The following GTF3C5 variants were observed in gnomAD, a reference collection of about 807,000 sequenced individuals.
GTF3C5 encodes the protein general transcription factor IIIC subunit 5.
In GTF3C5, 47 loss-of-function variants were observed where a neutral mutation model predicts 61.0. That is an observed-to-expected ratio of 0.77 (90% CI 0.61 to 0.98). GTF3C5 has a LOEUF of 0.98. Among genes scored for constraint, GTF3C5 ranks in the 50% least tolerant of loss-of-function variants. GTF3C5 has a pLI of 0.00. For synonymous variants in GTF3C5, 295 were observed against 275.4 expected (o/e 1.07, Z -0.71); for missense variants, 659 against 703.3 (o/e 0.94, Z 0.71).
At chr9:133,035,385 G>T (rs539309782) in intron 1 of GTF3C5, among the ~76,000 whole-genome samples, 1 of 152,042 alleles carries the variant, frequency 6.6e-6, no homozygotes, top group African/African-American at 2.4e-5. Context: ...GTTTTCTTAG[G>T]GTCTGCTTAT....
rs760893172 is a variant in GTF3C5, at chr9:133,042,257, A to T, written c.324A>T (p.Thr108=). 10 of 1,613,440 alleles carry T rather than the reference A, an allele frequency of 6.2e-6. No homozygotes were observed. In the African/African-American group the frequency reaches 1.3e-4, roughly 22 times the overall value. Reference sequence around the variant, plus strand: ...GCACTGAGGCCCACTCCGAGGTCACATTTGACATGGAGATCCTTGGCATCA... The same window carrying T: ...GCACTGAGGCCCACTCCGAGGTCACTTTTGACATGGAGATCCTTGGCATCA... ...VLGTEAHSEV[T]FDMEILGIIS... The change falls in exon 2 of 11, where the codon ACA becomes ACT. Residue 108 remains threonine, a synonymous_variant. Transcript: ENST00000372097.
rs190946375 is a variant in GTF3C5 at position 133,047,997 on chromosome 9, C to T, written c.573-2786C>T. Among the ~76,000 whole-genome samples the T allele has an allele frequency of 1.2e-3, 189 of 152,244 alleles. No individual in the cohort carries two copies. In the South Asian group the frequency reaches 0.014, roughly 11 times the overall value. On this transcript the variant is annotated intron_variant, in intron 3 of 10. Transcript: ENST00000372097. ...TTTAAATCACCCAAGTGTGGTGGCA[C>T]GTGTGCCTGTGGTCTCAGCTACTTG...
intron 1 of GTF3C5, among the ~76,000 whole-genome samples, chr9:133,033,256 C>T (rs1398873211): frequency 6.6e-6 from 1 of 152,044 alleles, no homozygotes; most frequent in Non-Finnish European, 1.5e-5. Context: ...AAAGGAACCA[C>T]GGGGGGCATC....
chr9:133,043,986 C>G, intron 3 of GTF3C5, 60 bp downstream of exon 3: 1 of 1,269,230 alleles, frequency 7.9e-7, no homozygotes, highest in East Asian at 2.3e-5. Flanking sequence ...GGTCCGGGCA[C>G]GGAGGCTCAC....
chr9:133,030,982 A>G (rs1588457926), upstream of GTF3C5: 3 of 1,611,228 alleles, frequency 1.9e-6, no homozygotes, highest in African/African-American at 1.3e-5. Flanking sequence ...TGTGGGACGG[A>G]CCCTGGCGGG....
intron 5 of GTF3C5, 146 bp downstream of exon 5, chr9:133,052,310 T>C: frequency 1.9e-6 from 1 of 518,150 alleles, no homozygotes; most frequent in South Asian, 2.3e-5. Context: ...TCCTGGCCCA[T>C]CCTTCCTACC....
rs756977966 is a variant in GTF3C5 at position 133,043,837 on chromosome 9, C to G, written c.483C>G (p.His161Gln). The G allele has an allele frequency of 4.3e-6, 7 of 1,614,058 alleles. No individual in the cohort carries two copies. In the South Asian group the frequency reaches 4.4e-5, roughly 10 times the overall value. The change falls in exon 3 of 11, where the codon CAC becomes CAG. Residue 161 changes from histidine to glutamine, a missense_variant. By Grantham distance (24) the His-to-Gln change is conservative (BLOSUM62 0). Transcript: ENST00000372097. ...MLRPEKEAFF[H>Q]QELPLYIPPP... ...GGCCCGAGAAGGAGGCCTTTTTCCA[C>G]CAGGAGCTGCCGCTCTACATCCCCC...
At chr9:133,052,539 C>T (rs1432635013) in intron 5 of GTF3C5, among the ~76,000 whole-genome samples, 2 of 152,134 alleles carry the variant, frequency 1.3e-5, no homozygotes, top group Non-Finnish European at 2.9e-5. Context: ...CCACAGCGGC[C>T]CCATGTCGTC....
chr9:133,044,225 AGT>A (rs1385097539), intron 3 of GTF3C5: 1 of 409,996 alleles, frequency 2.4e-6, no homozygotes. Context: ...GAATTTAAAA[AGT>A]GTGTGCAGTT....
chr9:133,050,273 G>C (rs1850330619), intron 3 of GTF3C5, among the ~76,000 whole-genome samples: 1 of 152,222 alleles, frequency 6.6e-6, no homozygotes, highest in Admixed American at 6.5e-5. Flanking sequence ...TGTAGGATTA[G>C]TTTGAGCGTT....
intron 8 of GTF3C5, 104 bp from the exon 9 acceptor site, chr9:133,055,908 C>T (rs1829923753): frequency 6.6e-7 from 1 of 1,517,444 alleles, no homozygotes; most frequent in Non-Finnish European, 8.9e-7. Context: ...GGTGACCAGC[C>T]AGCTCCCTGG....
chr9:133,048,640 G>T (rs1020073324), intron 3 of GTF3C5, among the ~76,000 whole-genome samples: 14 of 152,200 alleles, frequency 9.2e-5, no homozygotes, highest in Non-Finnish European at 1.5e-5. Context: ...TTGCACTCCA[G>T]CCTGGGCAAC....
At chr9:133,050,692 G>T (rs1349665636) in intron 3 of GTF3C5, 91 bp from the exon 4 acceptor site, 4 of 890,716 alleles carry the variant, frequency 4.5e-6, no homozygotes, top group Non-Finnish European at 5.4e-6. Flanking sequence ...TGTGGGCCTT[G>T]GGGGGTTCTG....
In GTF3C5 at chr9:133,058,080, C is replaced by A; in HGVS notation, c.*100C>A. 1.3e-6 allele frequency: 2 copies of A among 1,562,442 alleles called. No homozygotes were observed. Among genetic ancestry groups the A allele is most frequent in the Non-Finnish European group, 1.7e-6 (2 of 1,157,844 alleles). On this transcript the variant is annotated 3_prime_UTR_variant, in exon 11 of 11. Coordinates refer to ENST00000372097, the MANE Select transcript of GTF3C5 (RefSeq NM_012087.4). ...TGCCACCCACAGTGCCCGGAATGGC[C>A]CTAGGAGGCCCTCTGAGGAGAGCTA...
intron 1 of GTF3C5, among the ~76,000 whole-genome samples, chr9:133,033,086 G>A (rs1190234044): frequency 1.3e-5 from 2 of 152,100 alleles, no homozygotes; most frequent in Non-Finnish European, 2.9e-5. Context: ...ACAAATTGTT[G>A]CTGGTTGTAA....
In GTF3C5 at chr9:133,044,680, C is replaced by T. The variant is rs375682664; in HGVS notation, c.572+754C>T. ...GCGGCTGGAGGTCGCTTCAGAGAAC[C>T]CCTGACCCTGCCCATCGCCCAGTGC... is the stretch of plus-strand genomic sequence containing the variant. On this transcript the variant is annotated intron_variant, in intron 3 of 10. Coordinates refer to ENST00000372097, the MANE Select transcript of GTF3C5 (RefSeq NM_012087.4). Among the ~76,000 whole-genome samples, 173 of 152,294 alleles carry T rather than the reference C, an allele frequency of 1.1e-3. No homozygotes were observed. In the South Asian group the frequency reaches 0.014, roughly 12 times the overall value.
chr9:133,046,568 A>T (rs1234918496), intron 3 of GTF3C5, among the ~76,000 whole-genome samples: 1 of 152,154 alleles, frequency 6.6e-6, no homozygotes, highest in Non-Finnish European at 1.5e-5. Context: ...TGTTTCCTTT[A>T]TGTCCTGACT....
In GTF3C5 at chr9:133,057,516, C is replaced by G. The variant is rs561270441; in HGVS notation, c.1394-298C>G. Among the ~76,000 whole-genome samples, 20 of 152,330 alleles carry G rather than the reference C, an allele frequency of 1.3e-4. No homozygotes were observed. The East Asian group carries it at 3.5e-3, about 27-fold the overall frequency. On this transcript the variant is annotated intron_variant, in intron 10 of 10. Coordinates refer to ENST00000372097, the MANE Select transcript of GTF3C5 (RefSeq NM_012087.4). ...CTTGCTTGGAACCCAGATTCAGCCC[C>G]CTTTGGGAATCTAATCAAGGGTGTG...
At chr9:133,057,029 G>A (rs931215417) in intron 10 of GTF3C5, 121 bp downstream of exon 10, 2 of 955,532 alleles carry the variant, frequency 2.1e-6, no homozygotes, top group Non-Finnish European at 3.0e-6. Context: ...CTTGCCCCTG[G>A]CCCTGGTGGG....
Sources: gnomAD v4.1 joint callset for allele counts (sites outside exome capture counted in the v4.1 genomes callset) on GRCh38, gnomAD v4.1.1 for gene constraint, MANE v1.5 for transcripts, NCBI Gene and HGNC (gene_info 2026-07-23, HGNC 2026-07-21) for gene names.